SIK3: variants seen among roughly 807,000 people sequenced by gnomAD.
The protein encoded by SIK3 is serine/threonine-protein kinase SIK3.
A neutral mutation model predicts 144.2 loss-of-function variants in SIK3; 28 were observed. The ratio of observed to expected loss-of-function variants is 0.19; its 90% CI spans 0.14 to 0.27. The LOEUF is 0.27. SIK3 is among the 10% of genes least tolerant of loss of function. The probability of loss-of-function intolerance (pLI) is 1.00; values close to 1 mark genes in which losing one functional copy is unlikely to be tolerated. For missense variants in SIK3, 1,319 were observed against 1,776.0 expected, an observed-to-expected ratio of 0.74 and a Z score of 4.62; for synonymous variants, 686 against 676.3, an observed-to-expected ratio of 1.01 and a Z score of -0.22.
In SIK3 at chr11:117,045,425, A is replaced by T. The variant is rs999561148; in HGVS notation, c.273+52718T>A. ...CTTTAGCTCCATAAGGAACCTAAGA[A>T]GCCCCGCCCATAAGAGTGAACGGTA... is the stretch of plus-strand genomic sequence containing the variant. On this transcript the variant is annotated intron_variant, in intron 1 of 24. Transcript: ENST00000445177. 3.5e-4 allele frequency among the ~76,000 whole-genome samples: 53 copies of T among 152,320 alleles called. 1 individual carries two copies. Among genetic ancestry groups the T allele is most frequent in the East Asian group, 9.6e-4 (5 of 5,184 alleles).
At chr11:117,021,958 A>AAC (rs1565565793) in intron 1 of SIK3, among the ~76,000 whole-genome samples, 5 of 147,260 alleles carry the variant, frequency 3.4e-5, no homozygotes, top group Non-Finnish European at 7.5e-5. Flanking sequence ...AAAAAAAAAA[A>AAC]AAACCTAAAA....
chr11:116,911,508 C>CAA (rs555272351), intron 4 of SIK3, among the ~76,000 whole-genome samples: 1 of 127,012 alleles, frequency 7.9e-6, no homozygotes. Flanking sequence ...GACTCTGTCT[C>CAA]AAAAAAAAAA....
At chr11:116,989,730 T>C (rs1337645622) in intron 1 of SIK3, among the ~76,000 whole-genome samples, 1 of 152,194 alleles carries the variant, frequency 6.6e-6, no homozygotes, top group East Asian at 1.9e-4. Context: ...GACTTCCCAC[T>C]ACTGTGGACT....
At chr11:116,932,869 T>C (rs1000583920) in intron 3 of SIK3, among the ~76,000 whole-genome samples, 1 of 152,152 alleles carries the variant, frequency 6.6e-6, no homozygotes, top group Non-Finnish European at 1.5e-5. Context: ...AGATCACGGC[T>C]CACTGCAGCC....
At chr11:116,999,784 C>A (rs1950790129) in intron 1 of SIK3, among the ~76,000 whole-genome samples, 1 of 152,160 alleles carries the variant, frequency 6.6e-6, no homozygotes, top group Non-Finnish European at 1.5e-5. Context: ...CTTATGACTA[C>A]ATTCTTGTTT....
rs1214185248 is a variant in SIK3 at position 116,845,268 on chromosome 11, C to T, written c.*375G>A. The T allele has an allele frequency of 2.7e-5, 4 of 145,926 alleles. No homozygotes were observed. The highest frequency in any genetic ancestry group is 6.0e-5 in the Non-Finnish European group (4 of 67,178). 9.0% of individuals were successfully genotyped at this position (145,926 alleles called of 1,614,324 possible). On this transcript the variant is annotated 3_prime_UTR_variant, in exon 25 of 25. Transcript: ENST00000445177. ...TTGCTCTCCTGTTTCAAAAAAGGAA[C>T]GAAAGAAAAAAAAGAAAGGAAGAAA...
intron 3 of SIK3, among the ~76,000 whole-genome samples, chr11:116,949,120 T>G (rs1216915177): frequency 6.6e-6 from 1 of 150,624 alleles, no homozygotes; most frequent in Non-Finnish European, 1.5e-5. Flanking sequence ...TAGAGAGAAA[T>G]TTATAGCTGT....
intron 1 of SIK3, among the ~76,000 whole-genome samples, chr11:117,091,488 G>A (rs1198738234): frequency 2.6e-5 from 4 of 152,138 alleles, no homozygotes; most frequent in East Asian, 3.9e-4. Context: ...TTACAGGCGT[G>A]AGCCACCATG....
intron 1 of SIK3, among the ~76,000 whole-genome samples, chr11:117,093,259 T>C (rs1043354148): frequency 6.6e-6 from 1 of 152,262 alleles, no homozygotes; most frequent in Non-Finnish European, 1.5e-5. Context: ...CGTTAAACTC[T>C]TCTTTAGAGG....
chr11:116,908,723 T>A (rs1946181397), intron 4 of SIK3, among the ~76,000 whole-genome samples: 1 of 152,004 alleles, frequency 6.6e-6, no homozygotes, highest in African/African-American at 2.4e-5. Flanking sequence ...AACAAGATAA[T>A]CATTACACAG....
chr11:116,902,628 T>C (rs1945798753), intron 4 of SIK3, among the ~76,000 whole-genome samples: 1 of 152,172 alleles, frequency 6.6e-6, no homozygotes, highest in Non-Finnish European at 1.5e-5. Flanking sequence ...TTCTGTAAGA[T>C]TCAACAACAA....
chr11:117,007,471 C>T (rs543872593), intron 1 of SIK3, among the ~76,000 whole-genome samples: 3 of 152,364 alleles, frequency 2.0e-5, no homozygotes, highest in African/African-American at 7.2e-5. Flanking sequence ...GACTCTCTTT[C>T]CCACTCCTCA....
chr11:116,900,174 T>C (rs1202849377), intron 4 of SIK3, among the ~76,000 whole-genome samples: 1 of 152,206 alleles, frequency 6.6e-6, no homozygotes, highest in Admixed American at 6.5e-5. Flanking sequence ...AAGTCATACC[T>C]GCGCTTTCAG....
intron 1 of SIK3, among the ~76,000 whole-genome samples, chr11:116,997,412 A>G (rs1332726233): frequency 1.3e-5 from 2 of 152,258 alleles, no homozygotes; most frequent in Admixed American, 6.5e-5. Flanking sequence ...TATGCAAGGC[A>G]CTAAATGCAT....
intron 15 of SIK3, among the ~76,000 whole-genome samples, chr11:116,865,795 G>A (rs966404407): frequency 1.7e-4 from 26 of 152,006 alleles, no homozygotes; most frequent in Admixed American, 1.1e-3. Context: ...CAGGCCACCC[G>A]TATTCCATGT....
chr11:117,070,261 T>C (rs1335638058), intron 1 of SIK3, among the ~76,000 whole-genome samples: 2 of 152,142 alleles, frequency 1.3e-5, no homozygotes, highest in Admixed American at 6.6e-5. Flanking sequence ...AGATAACAAA[T>C]ATTAGGCAAA....
intron 1 of SIK3, among the ~76,000 whole-genome samples, chr11:116,992,369 G>A (rs1418185446): frequency 6.8e-6 from 1 of 148,118 alleles, no homozygotes; most frequent in Non-Finnish European, 1.5e-5. Flanking sequence ...TACAGGGAAA[G>A]GCATTTATAT....
chr11:116,849,561 G>T lies in SIK3; in HGVS notation c.3656-278C>A, dbSNP rs1463983777. Among the ~76,000 whole-genome samples, 1 of 152,116 alleles carries T rather than the reference G, an allele frequency of 6.6e-6. No individual in the cohort carries two copies. Among genetic ancestry groups the T allele is most frequent in the African/African-American group, 2.4e-5 (1 of 41,416 alleles). On this transcript the variant is annotated intron_variant, in intron 21 of 24. Transcript: ENST00000445177. This position sits in a 1 kb window ranked among gnomAD's most constrained non-coding sequence, Gnocchi z 4.2. ...CCTTCTCTTCTTTCATTTCTCTGTT[G>T]AATTAACAGTGATCTATTCCCAAAC...
intron 1 of SIK3, among the ~76,000 whole-genome samples, chr11:117,023,621 A>AAAAAATATATATATAT (rs754624841): frequency 1.6e-4 from 15 of 95,406 alleles, no homozygotes; most frequent in African/African-American, 6.1e-4. Context: ...AAAAAAAAAA[A>AAAAAATATATATATAT]ATATATATAT....
Sources: allele counts gnomAD v4.1 joint callset (sites outside exome capture counted in the v4.1 genomes callset), GRCh38; gene constraint gnomAD v4.1.1; non-coding constraint Gnocchi (gnomAD v3.1); transcripts MANE v1.5; gene names NCBI Gene and HGNC (gene_info 2026-07-23, HGNC 2026-07-21).